Variants in CKAP2 observed in about 807,000 individuals in gnomAD.
The protein encoded by CKAP2 is cytoskeleton-associated protein 2.
In CKAP2, 46 loss-of-function variants were observed where a neutral mutation model predicts 58.4. The observed-to-expected ratio is 0.79, with a 90% CI of 0.62 to 1.01. The LOEUF (loss-of-function observed/expected upper bound fraction) is 1.01, where lower values mean the gene tolerates loss of function less well. CKAP2 is among the 50% of genes least tolerant of loss of function. The pLI, the probability that CKAP2 is intolerant of heterozygous loss-of-function variation, is 0.00. For synonymous variants in CKAP2, 293 were observed against 280.9 expected (o/e 1.04, Z -0.43); for missense variants, 809 against 796.4 (o/e 1.02, Z -0.19).
chr13:52,464,565 A>C (rs1487647877), intron 5 of CKAP2, among the ~76,000 whole-genome samples: 3 of 151,978 alleles, frequency 2.0e-5, no homozygotes, highest in Non-Finnish European at 2.9e-5. Flanking sequence ...AAAAAAAAAA[A>C]AAAAAAAAAC....
chr13:52,464,244 T>C (rs922081381), intron 5 of CKAP2, among the ~76,000 whole-genome samples: 20 of 151,586 alleles, frequency 1.3e-4, no homozygotes, highest in Non-Finnish European at 1.5e-4. Context: ...TTACCTAAAA[T>C]ACTCAAAAAA....
chr13:52,474,509 A>G lies in CKAP2; in HGVS notation c.1803-386A>G, dbSNP rs187266186. On this transcript the variant is annotated intron_variant, in intron 8 of 8. Transcript: ENST00000258607. ...GTCTCAAAACAAAAAAGAAAACAGA[A>G]AAGTTTTTAAACAAATAGAATGTCA... 2.0e-5 allele frequency among the ~76,000 whole-genome samples: 3 copies of G among 152,260 alleles called. No individual in the cohort carries two copies. The East Asian group carries it at 5.8e-4, about 29-fold the overall frequency.
intron 6 of CKAP2, among the ~76,000 whole-genome samples, chr13:52,467,841 ACT>A (rs1237933957): frequency 3.4e-5 from 5 of 146,802 alleles, no homozygotes; most frequent in African/African-American, 1.3e-4. Context: ...ATGGAGTCTC[ACT>A]CTCTCGCCCA....
At chr13:52,459,874 T>G (rs1051294815) in intron 2 of CKAP2, among the ~76,000 whole-genome samples, 1 of 152,108 alleles carries the variant, frequency 6.6e-6, no homozygotes, top group African/African-American at 2.4e-5. Context: ...CTAACGTTCT[T>G]TTTTTTGAGA....
At position 52,461,654 on chromosome 13, in the gene CKAP2, C is replaced by G. The variant is rs1466230251; in HGVS notation, c.828C>G (p.Ala276=). 1 of 1,614,072 alleles carries G rather than the reference C, an allele frequency of 6.2e-7. No homozygotes were observed. Among genetic ancestry groups the G allele is most frequent in the South Asian group, 1.1e-5 (1 of 91,078 alleles). Residue 276 remains alanine, a synonymous_variant, in exon 4 of 9, where the codon GCC becomes GCG. Transcript: ENST00000258607. ...TVKQGISRTS[A]NVTIRKGPHE... Reference sequence around the variant, plus strand: ...AACAAGGCATCAGTAGAACTTCTGCCAATGTTACAATCCGGAAAGGGCCTC... The same window carrying G: ...AACAAGGCATCAGTAGAACTTCTGCGAATGTTACAATCCGGAAAGGGCCTC...
At chr13:52,471,230 A>G (rs1958758063) in intron 7 of CKAP2, among the ~76,000 whole-genome samples, 1 of 152,192 alleles carries the variant, frequency 6.6e-6, no homozygotes, top group Non-Finnish European at 1.5e-5. Flanking sequence ...TGGAAATTCA[A>G]ATTTCATAAA....
chr13:52,460,452 T>G (rs182408450), intron 2 of CKAP2, among the ~76,000 whole-genome samples: 2 of 151,642 alleles, frequency 1.3e-5, no homozygotes, highest in African/African-American at 4.9e-5. Flanking sequence ...TTGTTTACAC[T>G]ATTTTTTTTT....
At position 52,475,267 on chromosome 13, in the gene CKAP2, A is replaced by C. The variant is rs1248238216; in HGVS notation, c.*126A>C. The C allele has an allele frequency of 8.8e-7, 1 of 1,134,144 alleles. No homozygotes were observed. The highest frequency in any genetic ancestry group is 1.2e-6 in the Non-Finnish European group (1 of 810,216). 70.3% of individuals were successfully genotyped at this position (1,134,144 alleles called of 1,614,324 possible). A position where few individuals can be genotyped will look rare whatever the true frequency, so the allele number is the denominator to read the frequency against. Reference sequence around the variant, plus strand: ...CCTATGTATCCTAAGCATTCACGGCAGTGAGCTCCTTTACTAACATTCATG... The same window carrying C: ...CCTATGTATCCTAAGCATTCACGGCCGTGAGCTCCTTTACTAACATTCATG... On this transcript the variant is annotated 3_prime_UTR_variant, in exon 9 of 9. Transcript: ENST00000258607.
At chr13:52,471,487 C>G (rs566742208) in intron 7 of CKAP2, among the ~76,000 whole-genome samples, 2 of 149,768 alleles carry the variant, frequency 1.3e-5, no homozygotes, top group Admixed American at 1.3e-4. Context: ...CATAAGTGGT[C>G]GAAGTAGTTC....
chr13:52,457,651 A>G (rs959277568), intron 2 of CKAP2, among the ~76,000 whole-genome samples: 1 of 152,206 alleles, frequency 6.6e-6, no homozygotes. Context: ...TCAGGAGATC[A>G]AGACCAGCCT....
intron 4 of CKAP2, 81 bp downstream of exon 4, chr13:52,462,007 G>A (rs370566115): frequency 3.1e-6 from 4 of 1,283,738 alleles, no homozygotes; most frequent in East Asian, 5.2e-5. Context: ...TTCCTTGACT[G>A]CATTAGAATT....
rs1287024424 is a variant in CKAP2, at chr13:52,469,597, AT to A, written c.1546+1260del. 1.0e-3 allele frequency among the ~76,000 whole-genome samples: 138 copies of A among 136,892 alleles called. 1 individual carries two copies. Among genetic ancestry groups the A allele is most frequent in the African/African-American group, 3.9e-3 (132 of 33,966 alleles). The allele number at this position is 136,892 out of a possible 152,430, so 89.8% of individuals were successfully genotyped here. ...ATAATATTTATTTATTTATTTATTT[AT>A]TTTTTTTTTGAGACGGAGTCTCGCT... On this transcript the variant is annotated intron_variant, in intron 7 of 8. Transcript: ENST00000258607.
chr13:52,458,001 GTT>G (rs1958515446), intron 2 of CKAP2, among the ~76,000 whole-genome samples: 1 of 152,126 alleles, frequency 6.6e-6, no homozygotes, highest in African/African-American at 2.4e-5. Flanking sequence ...TCTTTGACCT[GTT>G]TATATTTTTG....
intron 2 of CKAP2, 51 bp from the exon 3 acceptor site, chr13:52,460,848 C>T: frequency 6.7e-7 from 1 of 1,488,244 alleles, no homozygotes; most frequent in Non-Finnish European, 9.2e-7. Context: ...CAAAAGGAAG[C>T]CTCCTTGGTA....
At chr13:52,465,578 A>G in intron 6 of CKAP2, 113 bp downstream of exon 6, 1 of 891,032 alleles carries the variant, frequency 1.1e-6, no homozygotes, top group Non-Finnish European at 1.8e-6. Flanking sequence ...ATGTAGTGGT[A>G]ATAAATGTTT....
intron 4 of CKAP2, 75 bp from the exon 5 acceptor site, chr13:52,462,288 T>C (rs1482454804): frequency 1.0e-5 from 14 of 1,347,718 alleles, no homozygotes; most frequent in Non-Finnish European, 1.4e-5. Flanking sequence ...AAAATATGAT[T>C]TTTTCTTTTA....
rs200835665 is a variant in CKAP2, at chr13:52,468,266, A to T, written c.1477-12A>T. The T allele has an allele frequency of 5.3e-4, 820 of 1,535,564 alleles. No homozygotes were observed. Among genetic ancestry groups the T allele is most frequent in the Non-Finnish European group, 6.6e-4 (748 of 1,127,038 alleles). Reference sequence around the variant, plus strand: ...CTTACATGGATCTGCTTTCTTCATTAAAAAAATTAAGCCTATTGAAGAGAT... The same window carrying T: ...CTTACATGGATCTGCTTTCTTCATTTAAAAAATTAAGCCTATTGAAGAGAT... On this transcript the variant is annotated splice_polypyrimidine_tract_variant and intron_variant, in intron 6 of 8. Transcript: ENST00000258607.
rs1445666607 is a variant in CKAP2 at position 52,461,971 on chromosome 13, T to TA, written c.1100+46dup. 3 of 1,459,004 alleles carry TA rather than the reference T, an allele frequency of 2.1e-6. No individual in the cohort carries two copies. The South Asian group carries it at 4.3e-5, about 21-fold the overall frequency. The allele number at this position is 1,459,004 out of a possible 1,614,324, so 90.4% of individuals were successfully genotyped here. A position where few individuals can be genotyped will look rare whatever the true frequency, so the allele number is the denominator to read the frequency against. On this transcript the variant is annotated intron_variant, in intron 4 of 8. Coordinates refer to ENST00000258607, the MANE Select transcript of CKAP2 (RefSeq NM_018204.5). Reference sequence around the variant, plus strand: ...TTTATTACATTAGTTTTCAATAAAGTACTGTTTGTAGATTTGGATTATAAT... The same window carrying TA: ...TTTATTACATTAGTTTTCAATAAAGTAACTGTTTGTAGATTTGGATTATAAT...
chr13:52,465,786 T>C (rs1381955643), intron 6 of CKAP2: 1 of 451,172 alleles, frequency 2.2e-6, no homozygotes, highest in Admixed American at 2.7e-5. Context: ...GAATGTAATA[T>C]TAAAATTTGT....
Sources: allele counts gnomAD v4.1 joint callset (sites outside exome capture counted in the v4.1 genomes callset), GRCh38; gene constraint gnomAD v4.1.1; transcripts MANE v1.5; gene names NCBI Gene and HGNC (gene_info 2026-07-23, HGNC 2026-07-21).